CMTM4: variants seen among roughly 807,000 people sequenced by gnomAD.
CMTM4 encodes the protein CKLF-like MARVEL transmembrane domain-containing protein 4.
In CMTM4, 8 loss-of-function variants were observed where a neutral mutation model predicts 19.0. That is an observed-to-expected ratio of 0.42 (90% CI 0.25 to 0.76). CMTM4 has a LOEUF of 0.76. Ranked by LOEUF, CMTM4 falls within the 30% of genes least tolerant of loss-of-function variation. The pLI is 0.27. For missense variants in CMTM4, 228 were observed against 290.2 expected (o/e 0.79, Z 1.56); for synonymous variants, 106 against 121.1 (o/e 0.88, Z 0.82).
chr16:66,641,463 G>T (rs2016096637), intron 1 of CMTM4, among the ~76,000 whole-genome samples: 2 of 152,134 alleles, frequency 1.3e-5, no homozygotes. Flanking sequence ...TTGATTACAG[G>T]TACATACAAA....
chr16:66,628,142 C>T (rs150116812), intron 2 of CMTM4, among the ~76,000 whole-genome samples: 1,698 of 152,358 alleles, frequency 0.011, 32 homozygotes, highest in African/African-American at 0.036. Flanking sequence ...TCTCGCCTCC[C>T]GCCATAGGGC....
At chr16:66,601,127 GTGTGTGTT>G in the CMTM4 span, among the ~76,000 whole-genome samples, 1 of 152,072 alleles carries the variant, frequency 6.6e-6, no homozygotes, top group Middle Eastern at 3.4e-3. Flanking sequence ...GTGTGTGTGT[GTGTGTGTT>G]TATCTTTGTG....
chr16:66,662,594 G>A (rs2016518038), intron 1 of CMTM4, among the ~76,000 whole-genome samples: 2 of 152,064 alleles, frequency 1.3e-5, no homozygotes, highest in Admixed American at 1.3e-4. Flanking sequence ...GGCTACAGAT[G>A]TCCACAACAG....
At chr16:66,663,358 T>G (rs1567422069) in intron 1 of CMTM4, among the ~76,000 whole-genome samples, 1 of 151,962 alleles carries the variant, frequency 6.6e-6, no homozygotes, top group African/African-American at 2.4e-5. Context: ...AACCCAAGAT[T>G]AGCCAGGCAT....
Position 66,616,060 on chromosome 16 carries a change from G to A in CMTM4, c.*5998C>T, listed in dbSNP as rs943787890. ...TTTTTTTCTTCTTTAAAATACATACGAAGTGTAAAGAGAAAATGGCCAAAA... is the reference window on the plus strand; with the variant it reads ...TTTTTTTCTTCTTTAAAATACATACAAAGTGTAAAGAGAAAATGGCCAAAA... On this transcript the variant is annotated 3_prime_UTR_variant, in exon 4 of 4. Coordinates refer to ENST00000394106, the MANE Select transcript of CMTM4 (RefSeq NM_181521.3). 5.3e-5 allele frequency: 8 copies of A among 151,872 alleles called. 1 individual carries two copies. The highest frequency in any genetic ancestry group is 1.3e-4 in the Admixed American group (2 of 15,250). The allele number at this position is 151,872 out of a possible 1,614,324, so 9.4% of individuals were successfully genotyped here.
the CMTM4 span, among the ~76,000 whole-genome samples, chr16:66,602,010 T>G: frequency 6.4e-4 from 98 of 152,324 alleles, no homozygotes; most frequent in African/African-American, 2.3e-3. Context: ...CTGCTGCAGC[T>G]GGGTGATGAT....
intron 1 of CMTM4, among the ~76,000 whole-genome samples, chr16:66,653,928 A>T (rs1343149006): frequency 6.6e-6 from 1 of 151,852 alleles, no homozygotes; most frequent in Non-Finnish European, 1.5e-5. Context: ...TTTAGTAGAG[A>T]CAGGGTTTTG....
intron 1 of CMTM4, among the ~76,000 whole-genome samples, chr16:66,689,705 C>T (rs2017101738): frequency 6.6e-6 from 1 of 152,286 alleles, no homozygotes; most frequent in South Asian, 2.1e-4. Flanking sequence ...CTGTGCCTGG[C>T]CTGTTATTTT....
At chr16:66,660,387 C>CAAAAAA (rs34266604) in intron 1 of CMTM4, among the ~76,000 whole-genome samples, 6 of 84,506 alleles carry the variant, frequency 7.1e-5, no homozygotes, top group Non-Finnish European at 1.2e-4. Context: ...GATCCTGTCT[C>CAAAAAA]AAAAAAAAAA....
intron 1 of CMTM4, among the ~76,000 whole-genome samples, chr16:66,665,837 A>C (rs555071097): frequency 6.7e-6 from 1 of 150,074 alleles, no homozygotes; most frequent in Non-Finnish European, 1.5e-5. Flanking sequence ...GGGAGGCTGA[A>C]GCAGGTGGAT....
At chr16:66,603,746 C>G in the CMTM4 span, 1 of 152,274 alleles carries the variant, frequency 6.6e-6, no homozygotes. Context: ...ACCTAAGGGC[C>G]TCTTAAAGAC....
chr16:66,650,503 G>A (rs1386225752), intron 1 of CMTM4, among the ~76,000 whole-genome samples: 2 of 152,180 alleles, frequency 1.3e-5, no homozygotes, highest in Non-Finnish European at 2.9e-5. Flanking sequence ...ATGGACACAA[G>A]TGTGGAGAGT....
downstream of CMTM4, chr16:66,609,934 T>C (rs753462514): frequency 2.5e-6 from 4 of 1,614,052 alleles, no homozygotes; most frequent in African/African-American, 5.3e-5. This position sits in a 1 kb window ranked among gnomAD's most constrained non-coding sequence, Gnocchi z 4.4. Flanking sequence ...CTACCTGATC[T>C]TTAACGACGT....
rs889260286 is a variant in CMTM4 at position 66,683,819 on chromosome 16, G to A, written c.186+12521C>T. On this transcript the variant is annotated intron_variant, in intron 1 of 3. Transcript: ENST00000394106. ...GTTCTATTCCAGATGTGGGGGGATA[G>A]GGAAGGTCTCTTTTGAGCGGGAACC... 2.6e-5 allele frequency among the ~76,000 whole-genome samples: 4 copies of A among 152,090 alleles called. No homozygotes were observed. The Middle Eastern group carries it at 0.01, about 391-fold the overall frequency.
intron 1 of CMTM4, among the ~76,000 whole-genome samples, chr16:66,679,061 T>TG (rs982404079): frequency 6.6e-6 from 1 of 151,034 alleles, no homozygotes; most frequent in Non-Finnish European, 1.5e-5. Flanking sequence ...ATCATGCCAC[T>TG]GCGCTCCAGC....
chr16:66,609,790 C>G (rs762022648), downstream of CMTM4: 1 of 1,612,780 alleles, frequency 6.2e-7, no homozygotes, highest in East Asian at 2.2e-5. The surrounding 1 kb of genome is among the most constrained non-coding windows in gnomAD (Gnocchi z 4.4). Context: ...GCTGTTTGTC[C>G]AAGCAGATCT....
chr16:66,624,591 AC>A (rs2015699840), intron 2 of CMTM4, among the ~76,000 whole-genome samples: 1 of 152,088 alleles, frequency 6.6e-6, no homozygotes, highest in South Asian at 2.1e-4. Context: ...ACATGGTGAA[AC>A]CCCATCTCTA....
intron 1 of CMTM4, among the ~76,000 whole-genome samples, chr16:66,687,166 G>T (rs2017049934): frequency 7.3e-6 from 1 of 137,868 alleles, no homozygotes; most frequent in Non-Finnish European, 1.5e-5. Flanking sequence ...TTACAGAAAA[G>T]TGCATTTTAA....
At chr16:66,657,122 T>C (rs111550040) in intron 1 of CMTM4, among the ~76,000 whole-genome samples, 6,346 of 150,420 alleles carry the variant, frequency 0.042, 252 homozygotes, top group East Asian at 0.15. Flanking sequence ...TCTCGCTCTG[T>C]CACCCAGGCT....
Sources: gnomAD v4.1 joint callset for allele counts (sites outside exome capture counted in the v4.1 genomes callset) on GRCh38, gnomAD v4.1.1 for gene constraint, Gnocchi (gnomAD v3.1) non-coding constraint, MANE v1.5 for transcripts, NCBI Gene and HGNC (gene_info 2026-07-23, HGNC 2026-07-21) for gene names.